LIPH: variants seen among roughly 807,000 people sequenced by gnomAD.
LIPH encodes the protein lipase H, also known as lipase member H.
A neutral mutation model predicts 47.6 loss-of-function variants in LIPH; 32 were observed. The observed-to-expected ratio is 0.67, with a 90% CI of 0.51 to 0.90. The LOEUF (loss-of-function observed/expected upper bound fraction) is 0.90, where lower values mean the gene tolerates loss of function less well. LIPH is among the 40% of genes least tolerant of loss of function. The pLI is 0.00. For synonymous variants in LIPH, 190 were observed against 195.6 expected (o/e 0.97, Z 0.24); for missense variants, 497 against 541.4 (o/e 0.92, Z 0.81).
At chr3:185,542,677 T>C (rs1164065360) in intron 1 of LIPH, among the ~76,000 whole-genome samples, 1 of 152,194 alleles carries the variant, frequency 6.6e-6, no homozygotes, top group Admixed American at 6.5e-5. Context: ...CATAGGTTTA[T>C]TGCAGCACTA....
rs767562237 is a variant in LIPH at position 185,527,607 on chromosome 3, T to A, written c.527-22A>T. 3 of 1,495,530 alleles carry A rather than the reference T, an allele frequency of 2.0e-6. No homozygotes were observed. The South Asian group carries it at 3.4e-5, about 17-fold the overall frequency. The allele number at this position is 1,495,530 out of a possible 1,614,324, so 92.6% of individuals were successfully genotyped here. A position where few individuals can be genotyped will look rare whatever the true frequency, so the allele number is the denominator to read the frequency against. On this transcript the variant is annotated intron_variant, in intron 3 of 9. Transcript: ENST00000296252. ...AGGCCTGGAAGGAAAACAGAGTCACTTGGCAGCCCCACACCATGAGTCACC... is the reference window on the plus strand; with the variant it reads ...AGGCCTGGAAGGAAAACAGAGTCACATGGCAGCCCCACACCATGAGTCACC...
intron 3 of LIPH, among the ~76,000 whole-genome samples, chr3:185,531,263 A>C (rs948920033): frequency 1.7e-4 from 26 of 152,216 alleles, no homozygotes; most frequent in South Asian, 4.1e-4. Flanking sequence ...GAAGACTCAT[A>C]AGTTCAGGTG....
At chr3:185,536,374 A>T (rs1463006353) in intron 1 of LIPH, among the ~76,000 whole-genome samples, 1 of 152,176 alleles carries the variant, frequency 6.6e-6, no homozygotes, top group Non-Finnish European at 1.5e-5. Flanking sequence ...AAGGCTGTTA[A>T]CATGCAGTGG....
At chr3:185,548,705 C>T (rs1036273507) in intron 1 of LIPH, among the ~76,000 whole-genome samples, 2 of 151,368 alleles carry the variant, frequency 1.3e-5, no homozygotes, top group South Asian at 2.1e-4. Flanking sequence ...CTAGCCTGGG[C>T]GAGACAGAGC....
At chr3:185,551,168 C>T (rs1030159336) in intron 1 of LIPH, among the ~76,000 whole-genome samples, 7 of 152,064 alleles carry the variant, frequency 4.6e-5, no homozygotes, top group African/African-American at 1.7e-4. Flanking sequence ...AGCAAGACTC[C>T]ATCTCAAAAA....
chr3:185,543,923 T>G (rs1353396799), intron 1 of LIPH, among the ~76,000 whole-genome samples: 1 of 146,020 alleles, frequency 6.8e-6, no homozygotes. Flanking sequence ...TGGTCTCGGC[T>G]CACTGTAACC....
Position 185,519,304 on chromosome 3 carries a change from G to A in LIPH, c.724C>T (p.Gln242Ter). Reference protein sequence around the residue: ...GCPKTILGGFQYFKCDHQRSV... With the variant: ...GCPKTILGGF ...CTCTGGTGGTCACATTTAAAATACT[G>A]AAATCCTTGGTTGTAAAAGAAGTGA... Residue 242 changes from glutamine (Q) to a stop codon, truncating the protein, a stop_gained, in exon 6 of 10, where the codon CAG becomes TAG. Coordinates refer to ENST00000296252, the MANE Select transcript of LIPH (RefSeq NM_139248.3). LOFTEE classifies it high-confidence loss of function. The A allele has an allele frequency of 6.2e-7, 1 of 1,610,864 alleles. No individual in the cohort carries two copies. Among genetic ancestry groups the A allele is most frequent in the Non-Finnish European group, 8.5e-7 (1 of 1,177,252 alleles).
chr3:185,542,525 C>G (rs966257809), intron 1 of LIPH, among the ~76,000 whole-genome samples: 10 of 151,958 alleles, frequency 6.6e-5, no homozygotes, highest in Middle Eastern at 3.2e-3. Flanking sequence ...CCATGTTGTC[C>G]ACGCTGGTCT....
intron 7 of LIPH, among the ~76,000 whole-genome samples, chr3:185,514,911 C>T (rs145353106): frequency 1.9e-3 from 294 of 152,280 alleles, no homozygotes; most frequent in African/African-American, 6.9e-3. Flanking sequence ...GGGCCAAGTC[C>T]ACCAGCCTAC....
At chr3:185,525,880 C>T (rs369850348) in intron 4 of LIPH, among the ~76,000 whole-genome samples, 13 of 152,092 alleles carry the variant, frequency 8.5e-5, no homozygotes, top group African/African-American at 2.7e-4. Context: ...ACCAGAATGC[C>T]GATGAGAGAT....
chr3:185,549,951 C>A (rs956016025), intron 1 of LIPH, among the ~76,000 whole-genome samples: 1 of 152,128 alleles, frequency 6.6e-6, no homozygotes, highest in Non-Finnish European at 1.5e-5. Context: ...TTTAATCAAG[C>A]CCTCAGGGGA....
chr3:185,533,760 T>G, intron 2 of LIPH, 81 bp from the exon 3 acceptor site: 1 of 902,410 alleles, frequency 1.1e-6, no homozygotes, highest in Non-Finnish European at 1.9e-6. Context: ...GGCTGTTGAC[T>G]TTGGAGAAGT....
intron 3 of LIPH, among the ~76,000 whole-genome samples, chr3:185,529,962 G>GAAAC (rs1326030820): frequency 3.5e-5 from 2 of 57,404 alleles, no homozygotes; most frequent in Non-Finnish European, 8.4e-5. Context: ...AAGAAAGAAA[G>GAAAC]AAGGAAAGAA....
At chr3:185,524,775 A>T (rs1165798420) in intron 4 of LIPH, among the ~76,000 whole-genome samples, 1 of 151,924 alleles carries the variant, frequency 6.6e-6, no homozygotes, top group South Asian at 2.1e-4. Context: ...TTTTGCTGCA[A>T]CCCTTTAATT....
intron 1 of LIPH, among the ~76,000 whole-genome samples, chr3:185,550,000 A>G (rs546325693): frequency 6.6e-6 from 1 of 152,310 alleles, no homozygotes; most frequent in Admixed American, 6.5e-5. Flanking sequence ...TGCTTTGTTC[A>G]CTGGTAAGAT....
At chr3:185,526,408 C>G (rs2148953975) in intron 4 of LIPH, among the ~76,000 whole-genome samples, 1 of 151,604 alleles carries the variant, frequency 6.6e-6, no homozygotes, top group African/African-American at 2.4e-5. Flanking sequence ...GTAATCCCAG[C>G]TACTTGGGAG....
intron 4 of LIPH, among the ~76,000 whole-genome samples, chr3:185,525,926 G>C (rs907898579): frequency 2.0e-5 from 3 of 152,162 alleles, no homozygotes; most frequent in African/African-American, 7.2e-5. Context: ...ATCATGAAGA[G>C]AATGTCCGAT....
chr3:185,529,953 A>AGAAG (rs1720269720), intron 3 of LIPH, among the ~76,000 whole-genome samples: 1 of 54,626 alleles, frequency 1.8e-5, no homozygotes, highest in African/African-American at 5.1e-5. Flanking sequence ...AAAGAAAGAA[A>AGAAG]GAAAGAAAGA....
At chr3:185,542,324 T>C (rs541638873) in intron 1 of LIPH, among the ~76,000 whole-genome samples, 2 of 145,906 alleles carry the variant, frequency 1.4e-5, no homozygotes, top group East Asian at 2.0e-4. Context: ...TTCTTTTTTC[T>C]TTTTTTTTTT....
Sources: gnomAD v4.1 joint callset for allele counts (sites outside exome capture counted in the v4.1 genomes callset) on GRCh38, gnomAD v4.1.1 for gene constraint, MANE v1.5 for transcripts, NCBI Gene and HGNC (gene_info 2026-07-23, HGNC 2026-07-21) for gene names.